Variants in CNTNAP2 observed in about 807,000 individuals in gnomAD.
CNTNAP2 encodes the protein contactin associated protein 2.
CNTNAP2 carries 98 observed loss-of-function variants against 155.2 expected under a neutral mutation model. The ratio of observed to expected loss-of-function variants is 0.63; its 90% CI spans 0.54 to 0.75. The LOEUF (loss-of-function observed/expected upper bound fraction) is 0.75, where lower values mean the gene tolerates loss of function less well. Ranked by LOEUF, CNTNAP2 falls within the 30% of genes least tolerant of loss-of-function variation. The pLI is 0.00. For synonymous variants in CNTNAP2, 651 were observed against 631.2 expected, an observed-to-expected ratio of 1.03 and a Z score of -0.47; for missense variants, 1,727 against 1,688.1, an observed-to-expected ratio of 1.02 and a Z score of -0.40.
At chr7:146,290,329 G>A (rs1264517363) in intron 1 of CNTNAP2, among the ~76,000 whole-genome samples, 1 of 152,112 alleles carries the variant, frequency 6.6e-6, no homozygotes, top group Non-Finnish European at 1.5e-5. Flanking sequence ...TTAACCCTCA[G>A]TTTAGCAAAC....
intron 21 of CNTNAP2, among the ~76,000 whole-genome samples, chr7:148,291,161 T>G (rs1322052370): frequency 6.6e-6 from 1 of 152,030 alleles, no homozygotes; most frequent in African/African-American, 2.4e-5. Flanking sequence ...AATCTAGATA[T>G]TCAGAGGCCG....
intron 14 of CNTNAP2, among the ~76,000 whole-genome samples, chr7:147,939,391 C>A (rs773219813): frequency 6.6e-6 from 1 of 151,908 alleles, no homozygotes; most frequent in Non-Finnish European, 1.5e-5. Flanking sequence ...TGCAGTGGCA[C>A]GATCTCAGCT....
At position 146,551,260 on chromosome 7, in the gene CNTNAP2, G is replaced by A. The variant is rs983421047; in HGVS notation, c.98-223011G>A. Among the ~76,000 whole-genome samples the A allele has an allele frequency of 2.0e-5, 3 of 151,948 alleles. No homozygotes were observed. In the East Asian group the frequency reaches 5.8e-4, roughly 29 times the overall value. On this transcript the variant is annotated intron_variant, in intron 1 of 23. Coordinates refer to ENST00000361727, the MANE Select transcript of CNTNAP2 (RefSeq NM_014141.6). Reference sequence around the variant, plus strand: ...CCACCAACTCGTCATTTAACATTAGGTATATCTCCTAATGCTGTCCCTTCC... The same window carrying A: ...CCACCAACTCGTCATTTAACATTAGATATATCTCCTAATGCTGTCCCTTCC...
intron 13 of CNTNAP2, among the ~76,000 whole-genome samples, chr7:147,837,997 G>A (rs186387532): frequency 2.1e-4 from 32 of 152,262 alleles, no homozygotes; most frequent in African/African-American, 7.5e-4. Flanking sequence ...GGACATCCAG[G>A]CATTTCCATA....
At chr7:146,475,548 C>G (rs1796865396) in intron 1 of CNTNAP2, among the ~76,000 whole-genome samples, 1 of 152,026 alleles carries the variant, frequency 6.6e-6, no homozygotes, top group South Asian at 2.1e-4. Flanking sequence ...GTGGTTTGGA[C>G]AGGATGGTAT....
intron 13 of CNTNAP2, among the ~76,000 whole-genome samples, chr7:147,817,891 C>T (rs1166986293): frequency 4.6e-5 from 6 of 130,458 alleles, no homozygotes; most frequent in Admixed American, 1.7e-4. Context: ...GGCAACAGAG[C>T]GAGACTCTGT....
chr7:148,320,260 C>T (rs1195678278), intron 21 of CNTNAP2, among the ~76,000 whole-genome samples: 1 of 151,624 alleles, frequency 6.6e-6, no homozygotes, highest in East Asian at 1.9e-4. Context: ...GTCTCATTCT[C>T]TGTAGAATTT....
chr7:147,029,627 A>T (rs2129249781), intron 3 of CNTNAP2, among the ~76,000 whole-genome samples: 1 of 152,088 alleles, frequency 6.6e-6, no homozygotes, highest in South Asian at 2.1e-4. Context: ...AAGAATTGTC[A>T]CTTATTTTAG....
chr7:147,435,313 G>C (rs1212950311), intron 10 of CNTNAP2, among the ~76,000 whole-genome samples: 1 of 152,126 alleles, frequency 6.6e-6, no homozygotes, highest in African/African-American at 2.4e-5. Flanking sequence ...CAGAGGTAAG[G>C]ATCTCTGCCA....
At chr7:146,471,715 A>G (rs1021103761) in intron 1 of CNTNAP2, among the ~76,000 whole-genome samples, 1 of 152,268 alleles carries the variant, frequency 6.6e-6, no homozygotes, top group Non-Finnish European at 1.5e-5. Context: ...TTAACACAAA[A>G]TTATTTTAAT....
chr7:146,943,414 C>T (rs746398945), intron 3 of CNTNAP2, among the ~76,000 whole-genome samples: 3 of 152,104 alleles, frequency 2.0e-5, no homozygotes, highest in African/African-American at 2.4e-5. Flanking sequence ...ATCGCTTAAA[C>T]CTGGGAGACA....
chr7:147,295,013 A>G (rs1805406570), intron 8 of CNTNAP2, among the ~76,000 whole-genome samples: 1 of 152,208 alleles, frequency 6.6e-6, no homozygotes, highest in Non-Finnish European at 1.5e-5. Flanking sequence ...AATAAAATGA[A>G]TTAAAGTGTC....
intron 1 of CNTNAP2, among the ~76,000 whole-genome samples, chr7:146,665,390 G>A (rs2372761): frequency 0.81 from 123,019 of 152,120 alleles, 50,357 homozygotes; most frequent in South Asian, 0.91. Context: ...CTGTTTTCAA[G>A]TTATAATTTC....
intron 11 of CNTNAP2, among the ~76,000 whole-genome samples, chr7:147,493,416 G>A (rs1798642947): frequency 6.6e-6 from 1 of 152,092 alleles, no homozygotes; most frequent in Non-Finnish European, 1.5e-5. Context: ...GATGCTCAGT[G>A]TGTCCCTGTT....
intron 13 of CNTNAP2, among the ~76,000 whole-genome samples, chr7:147,808,079 C>T (rs1269796128): frequency 6.6e-6 from 1 of 152,020 alleles, no homozygotes; most frequent in Non-Finnish European, 1.5e-5. Flanking sequence ...ACTGACTCTC[C>T]TGGGATACCT....
At chr7:148,192,412 T>C (rs182654926) in intron 18 of CNTNAP2, among the ~76,000 whole-genome samples, 7 of 152,106 alleles carry the variant, frequency 4.6e-5, no homozygotes, top group African/African-American at 1.2e-4. Context: ...TCATAAAAAC[T>C]GATCAACTTA....
chr7:146,581,868 A>G (rs1422689825), intron 1 of CNTNAP2, among the ~76,000 whole-genome samples: 2 of 152,104 alleles, frequency 1.3e-5, no homozygotes, highest in Non-Finnish European at 2.9e-5. Context: ...AATTTTGTCA[A>G]TGCTTTTTTT....
chr7:148,043,364 C>T (rs1054909493), intron 15 of CNTNAP2, among the ~76,000 whole-genome samples: 3 of 152,162 alleles, frequency 2.0e-5, no homozygotes, highest in Admixed American at 6.5e-5. Context: ...GAAGCAAATA[C>T]ATATTCTTGA....
rs141233631 is a variant in CNTNAP2, at chr7:148,289,277, G to A, written c.3475+22151G>A. 6.6e-4 allele frequency among the ~76,000 whole-genome samples: 101 copies of A among 152,320 alleles called. 3 individuals carry two copies. In the East Asian group the frequency reaches 0.013, roughly 19 times the overall value. On this transcript the variant is annotated intron_variant, in intron 21 of 23. Transcript: ENST00000361727. Reference sequence around the variant, plus strand: ...AAAAGCAGGTGGAGGAAACTGAAGAGTGGGGAGAAGAGAGGTGGATGCTGA... The same window carrying A: ...AAAAGCAGGTGGAGGAAACTGAAGAATGGGGAGAAGAGAGGTGGATGCTGA...
Sources: gnomAD v4.1 joint callset for allele counts (sites outside exome capture counted in the v4.1 genomes callset) on GRCh38, gnomAD v4.1.1 for gene constraint, MANE v1.5 for transcripts, NCBI Gene and HGNC (gene_info 2026-07-23, HGNC 2026-07-21) for gene names.